The following LEKR1 variants were observed in gnomAD, a reference collection of about 807,000 sequenced individuals.
LEKR1 encodes leucine, glutamate and lysine rich 1.
In LEKR1, 59 loss-of-function variants were observed where a neutral mutation model predicts 72.4. That is an observed-to-expected ratio of 0.82 (90% CI 0.66 to 1.01). LEKR1 has a LOEUF of 1.01. Among genes scored for constraint, LEKR1 ranks in the 50% least tolerant of loss-of-function variants. The pLI is 0.00. For missense variants in LEKR1, 728 were observed against 759.2 expected (o/e 0.96, Z 0.48); for synonymous variants, 257 against 263.2 (o/e 0.98, Z 0.23).
At chr3:156,932,221 A>G (rs1343787169) in intron 5 of LEKR1, among the ~76,000 whole-genome samples, 4 of 152,156 alleles carry the variant, frequency 2.6e-5, no homozygotes, top group South Asian at 2.1e-4. Flanking sequence ...TAACTTCTCT[A>G]TATGTTTTAA....
At chr3:156,863,942 A>G (rs1717041463) in intron 3 of LEKR1, among the ~76,000 whole-genome samples, 1 of 152,068 alleles carries the variant, frequency 6.6e-6, no homozygotes, top group African/African-American at 2.4e-5. Flanking sequence ...GGTTGAGTTG[A>G]CAGAACTGTT....
intron 3 of LEKR1, among the ~76,000 whole-genome samples, chr3:156,911,283 ATATTTTTTCTCAAAAAATTTTCTT>A (rs1723084470): frequency 6.9e-6 from 1 of 145,176 alleles, no homozygotes; most frequent in Non-Finnish European, 1.5e-5. Context: ...TCTTTGAGAA[ATATTTTTTCTCAAAAAATTTTCTT>A]TGAGAAATAT....
chr3:157,012,534 T>A (rs781662685), intron 10 of LEKR1, among the ~76,000 whole-genome samples: 1 of 152,138 alleles, frequency 6.6e-6, no homozygotes, highest in Non-Finnish European at 1.5e-5. Flanking sequence ...CTTTAGGTAT[T>A]CTTGCTGCCT....
At chr3:156,960,726 A>G (rs9289973) in intron 6 of LEKR1, among the ~76,000 whole-genome samples, 77,176 of 152,004 alleles carry the variant, frequency 0.51, 21,275 homozygotes, top group East Asian at 0.73. Context: ...TGGTGCATAT[A>G]GTTTAATAGT....
chr3:156,833,158 T>A (rs1712654745), intron 2 of LEKR1, among the ~76,000 whole-genome samples: 1 of 152,226 alleles, frequency 6.6e-6, no homozygotes, highest in African/African-American at 2.4e-5. Context: ...AAACAAATAG[T>A]CATAGAAAGA....
intron 10 of LEKR1, among the ~76,000 whole-genome samples, chr3:157,015,138 A>C (rs1162928022): frequency 2.6e-5 from 4 of 152,144 alleles, no homozygotes; most frequent in Admixed American, 6.6e-5. Flanking sequence ...ATTTCAGGTC[A>C]TGGTTCAGGG....
chr3:156,884,774 G>A (rs2108554248), intron 3 of LEKR1, among the ~76,000 whole-genome samples: 1 of 152,108 alleles, frequency 6.6e-6, no homozygotes, highest in Admixed American at 6.5e-5. Context: ...GATCTTTTTG[G>A]GATGAATTTC....
At chr3:156,970,593 C>T (rs1270446502) in intron 6 of LEKR1, among the ~76,000 whole-genome samples, 1 of 151,974 alleles carries the variant, frequency 6.6e-6, no homozygotes, top group East Asian at 1.9e-4. Flanking sequence ...TCTAGAAAAC[C>T]CCATTGTCTC....
At chr3:157,021,546 G>A (rs1375147862) in intron 10 of LEKR1, among the ~76,000 whole-genome samples, 1 of 151,956 alleles carries the variant, frequency 6.6e-6, no homozygotes, top group Non-Finnish European at 1.5e-5. Flanking sequence ...TTTTTTGAAG[G>A]TTCTTCTAAA....
intron 5 of LEKR1, among the ~76,000 whole-genome samples, chr3:156,930,934 G>A (rs932258135): frequency 6.6e-6 from 1 of 152,112 alleles, no homozygotes; most frequent in Non-Finnish European, 1.5e-5. Flanking sequence ...AAGCCTAAAT[G>A]CAAAGGATAA....
chr3:157,041,418 A>C (rs1735330509), intron 12 of LEKR1, among the ~76,000 whole-genome samples: 1 of 152,150 alleles, frequency 6.6e-6, no homozygotes, highest in African/African-American at 2.4e-5. Flanking sequence ...GCTTGAAATA[A>C]ACTTTCAATG....
intron 3 of LEKR1, among the ~76,000 whole-genome samples, chr3:156,870,216 ATT>A (rs377466043): frequency 6.6e-6 from 1 of 151,714 alleles, no homozygotes; most frequent in Non-Finnish European, 1.5e-5. Context: ...AAATTTTAAG[ATT>A]TTTTTCTATC....
At chr3:156,888,329 A>T (rs1406760704) in intron 3 of LEKR1, 2 of 702,224 alleles carry the variant, frequency 2.8e-6, no homozygotes, top group Non-Finnish European at 5.2e-6. Context: ...CTTAGACTGG[A>T]AGTAGAACAT....
At chr3:157,006,368 A>G (rs1223426015) in intron 9 of LEKR1, among the ~76,000 whole-genome samples, 3 of 152,222 alleles carry the variant, frequency 2.0e-5, no homozygotes, top group Non-Finnish European at 4.4e-5. Flanking sequence ...GTTTACAAAG[A>G]TATGGAGGAA....
intron 3 of LEKR1, among the ~76,000 whole-genome samples, chr3:156,908,254 T>A (rs528531380): frequency 6.6e-6 from 1 of 152,270 alleles, no homozygotes; most frequent in South Asian, 2.1e-4. Flanking sequence ...ATTTTGAGAC[T>A]CTCCGAATAT....
chr3:156,909,796 T>A (rs931520206), intron 3 of LEKR1, among the ~76,000 whole-genome samples: 6 of 152,190 alleles, frequency 3.9e-5, no homozygotes, highest in Admixed American at 1.3e-4. Flanking sequence ...AACAGATTTT[T>A]AAAAATATAT....
intron 5 of LEKR1, among the ~76,000 whole-genome samples, chr3:156,937,961 C>CA (rs1382535093): frequency 6.6e-6 from 1 of 152,048 alleles, no homozygotes; most frequent in African/African-American, 2.4e-5. Context: ...CTTGAAATAA[C>CA]AAAATTATAA....
chr3:156,990,729 A>G (rs530421247), intron 7 of LEKR1, among the ~76,000 whole-genome samples: 1 of 152,312 alleles, frequency 6.6e-6, no homozygotes, highest in East Asian at 1.9e-4. Context: ...AGCCCCTTCA[A>G]ACTGGCTCTT....
At chr3:156,924,014 A>G (rs777557516) in intron 4 of LEKR1, among the ~76,000 whole-genome samples, 2 of 152,218 alleles carry the variant, frequency 1.3e-5, no homozygotes, top group Admixed American at 6.5e-5. Context: ...GGCGTGAGCT[A>G]CCGCGCCCTG....
Sources: allele counts gnomAD v4.1 joint callset (sites outside exome capture counted in the v4.1 genomes callset), GRCh38; gene constraint gnomAD v4.1.1; transcripts MANE v1.5; gene names NCBI Gene and HGNC (gene_info 2026-07-23, HGNC 2026-07-21).